The following OTULIN variants were observed in gnomAD, a reference collection of about 807,000 sequenced individuals.
OTULIN encodes ubiquitin thioesterase otulin.
A neutral mutation model predicts 39.6 loss-of-function variants in OTULIN; 15 were observed. The observed-to-expected ratio is 0.38, with a 90% CI of 0.25 to 0.58. The LOEUF (loss-of-function observed/expected upper bound fraction) is 0.58, where lower values mean the gene tolerates loss of function less well. Among genes scored for constraint, OTULIN ranks in the 20% least tolerant of loss-of-function variants. The probability of loss-of-function intolerance (pLI) is 0.66; values close to 1 mark genes in which losing one functional copy is unlikely to be tolerated. For missense variants in OTULIN, 319 were observed against 445.9 expected (o/e 0.72, Z 2.56); for synonymous variants, 156 against 170.3 (o/e 0.92, Z 0.65).
the OTULIN span, chr5:14,713,662 C>T: frequency 5.0e-6 from 8 of 1,613,998 alleles, no homozygotes; most frequent in African/African-American, 1.3e-5. This position sits in a 1 kb window ranked among gnomAD's most constrained non-coding sequence, Gnocchi z 4.4. Context: ...TGCGCCCTCA[C>T]TGTGACTGTT....
At chr5:14,676,251 T>C (rs1028372866) in intron 2 of OTULIN, among the ~76,000 whole-genome samples, 8 of 152,240 alleles carry the variant, frequency 5.3e-5, no homozygotes, top group African/African-American at 1.9e-4. Context: ...TATTTTTCTA[T>C]TTTTTATTTT....
intron 3 of OTULIN, among the ~76,000 whole-genome samples, chr5:14,678,995 A>G (rs1339361869): frequency 6.6e-6 from 1 of 152,182 alleles, no homozygotes; most frequent in Non-Finnish European, 1.5e-5. Flanking sequence ...CAGTGACGCA[A>G]TTTCTTTGAA....
rs768364366 is a variant in OTULIN, at chr5:14,694,854, A to AT, written c.*1811dup. On this transcript the variant is annotated 3_prime_UTR_variant, in exon 7 of 7. Coordinates refer to ENST00000284274, the MANE Select transcript of OTULIN (RefSeq NM_138348.6). ...TAATAATGACTTCTTATTGGCTTTG[A>AT]TTTTTCATTGCAGTATATGGGATTG... is the stretch of plus-strand genomic sequence containing the variant. 1.3e-5 allele frequency: 2 copies of AT among 152,582 alleles called. No homozygotes were observed. Among genetic ancestry groups the AT allele is most frequent in the Non-Finnish European group, 2.9e-5 (2 of 68,016 alleles). The allele number at this position is 152,582 out of a possible 1,614,324, so 9.5% of individuals were successfully genotyped here. A position where few individuals can be genotyped will look rare whatever the true frequency, so the allele number is the denominator to read the frequency against.
chr5:14,692,542 G>A (rs919248785), intron 6 of OTULIN, among the ~76,000 whole-genome samples: 1 of 152,136 alleles, frequency 6.6e-6, no homozygotes, highest in Non-Finnish European at 1.5e-5. Context: ...ATCTTCTTTG[G>A]AGAGAGGTGT....
chr5:14,715,965 T>C, the OTULIN span, among the ~76,000 whole-genome samples: 1 of 152,266 alleles, frequency 6.6e-6, no homozygotes. Flanking sequence ...TCTGTCTTTG[T>C]ATATCTCCAG....
intron 4 of OTULIN, among the ~76,000 whole-genome samples, chr5:14,684,624 A>G (rs1736340166): frequency 6.6e-6 from 1 of 152,196 alleles, no homozygotes; most frequent in Non-Finnish European, 1.5e-5. Flanking sequence ...CGTTTCTTGC[A>G]GTGTGACTGA....
At chr5:14,715,274 G>A in the OTULIN span, among the ~76,000 whole-genome samples, 1 of 152,238 alleles carries the variant, frequency 6.6e-6, no homozygotes, top group Non-Finnish European at 1.5e-5. Context: ...TGGGATTACA[G>A]GCATGCGCCA....
chr5:14,669,613 A>G (rs938519311), intron 1 of OTULIN, among the ~76,000 whole-genome samples: 6 of 151,992 alleles, frequency 3.9e-5, no homozygotes, highest in Admixed American at 3.3e-4. Flanking sequence ...CTCTATAACA[A>G]ATTTTAAAAA....
chr5:14,703,105 C>A (rs904029342), downstream of OTULIN, among the ~76,000 whole-genome samples: 3 of 152,060 alleles, frequency 2.0e-5, no homozygotes, highest in Admixed American at 6.6e-5. Context: ...TAGTCACTTG[C>A]CTGAATCACA....
the OTULIN span, chr5:14,711,433 T>G: frequency 1.8e-5 from 14 of 797,810 alleles, no homozygotes; most frequent in Non-Finnish European, 2.8e-5. Flanking sequence ...AACCTTCTTA[T>G]GGTTGGGGTG....
Position 14,693,043 on chromosome 5 carries a change from C to T in OTULIN, c.1054C>T (p.Leu352=). The T allele has an allele frequency of 6.2e-7, 1 of 1,607,500 alleles. No individual in the cohort carries two copies. Among genetic ancestry groups the T allele is most frequent in the Non-Finnish European group, 8.5e-7 (1 of 1,175,668 alleles). Residue 352 remains leucine (L), a synonymous_variant, in exon 7 of 7, where the codon CTA becomes TTA. Coordinates refer to ENST00000284274, the MANE Select transcript of OTULIN (RefSeq NM_138348.6). ...CGTCAGAGTGTGTGAGGAGACCAGT[C>T]TATGAGAGACGCATGCTCCTGACAG... is the stretch of plus-strand genomic sequence containing the variant. ...IPVRVCEETS[L]
intron 1 of OTULIN, among the ~76,000 whole-genome samples, chr5:14,671,808 A>G (rs1735984645): frequency 6.6e-6 from 1 of 152,264 alleles, no homozygotes; most frequent in Non-Finnish European, 1.5e-5. Flanking sequence ...TTGTTCATTA[A>G]TACTTTGCAA....
At chr5:14,711,401 G>C in the OTULIN span, 1 of 1,118,508 alleles carries the variant, frequency 8.9e-7, no homozygotes, top group East Asian at 2.4e-5. Context: ...GGGGTCTTGG[G>C]GGACCCCTCA....
chr5:14,670,523 A>G (rs1735953861), intron 1 of OTULIN, among the ~76,000 whole-genome samples: 1 of 152,212 alleles, frequency 6.6e-6, no homozygotes, highest in South Asian at 2.1e-4. Flanking sequence ...TGCCTGCGAA[A>G]TGTCCTCCTT....
At chr5:14,678,580 A>C in intron 2 of OTULIN, 101 bp from the exon 3 acceptor site, 1 of 835,234 alleles carries the variant, frequency 1.2e-6, no homozygotes, top group Non-Finnish European at 1.8e-6. Context: ...TTTGACGTGA[A>C]GAAAGAAAAT....
the OTULIN span, chr5:14,712,772 C>G: frequency 2.6e-6 from 3 of 1,157,832 alleles, no homozygotes; most frequent in Non-Finnish European, 3.8e-6. Flanking sequence ...CAAGGATCCC[C>G]CACTGACGAA....
At chr5:14,674,882 A>G (rs1158878552) in intron 2 of OTULIN, among the ~76,000 whole-genome samples, 1 of 152,234 alleles carries the variant, frequency 6.6e-6, no homozygotes, top group Non-Finnish European at 1.5e-5. Context: ...AGGCCTGGGA[A>G]TTTAACAATG....
At chr5:14,704,329 CAAAAAAAAAAAAA>C (rs1194771023), downstream of OTULIN, among the ~76,000 whole-genome samples, 2 of 65,524 alleles carry the variant, frequency 3.1e-5, no homozygotes, top group East Asian at 6.3e-4. Flanking sequence ...GACTCCGTCT[CAAAAAAAAAAAAA>C]AAAAAAAAAA....
intron 2 of OTULIN, among the ~76,000 whole-genome samples, chr5:14,678,316 A>G (rs1436093710): frequency 6.6e-6 from 1 of 150,922 alleles, no homozygotes; most frequent in African/African-American, 2.5e-5. Context: ...AGGAGCAGAG[A>G]CCAGAGAGGC....
Sources: gnomAD v4.1 joint callset for allele counts (sites outside exome capture counted in the v4.1 genomes callset) on GRCh38, gnomAD v4.1.1 for gene constraint, Gnocchi (gnomAD v3.1) non-coding constraint, MANE v1.5 for transcripts, NCBI Gene and HGNC (gene_info 2026-07-23, HGNC 2026-07-21) for gene names.